CYLD: variants seen among roughly 807,000 people sequenced by gnomAD.
CYLD encodes CYLD lysine 63 deubiquitinase.
CYLD carries 26 observed loss-of-function variants against 104.5 expected under a neutral mutation model. The observed-to-expected ratio is 0.25, with a 90% confidence interval of 0.18 to 0.35. CYLD has a LOEUF of 0.35. Among genes scored for constraint, CYLD ranks in the 10% least tolerant of loss-of-function variants. The pLI is 1.00. For missense variants in CYLD, 703 were observed against 1,136.1 expected (o/e 0.62, Z 5.48); for synonymous variants, 385 against 399.9 (o/e 0.96, Z 0.45).
rs200973965 is a variant in CYLD at position 50,793,113 on chromosome 16, TATAC to T, written c.2350+410_2350+413del. Among the ~76,000 whole-genome samples, 92 of 134,272 alleles carry T rather than the reference TATAC, an allele frequency of 6.9e-4. 3 individuals are homozygous for T. In the East Asian group the frequency reaches 0.014, roughly 21 times the overall value. The allele number at this position is 134,272 out of a possible 152,430, so 88.1% of individuals were successfully genotyped here. A position where few individuals can be genotyped will look rare whatever the true frequency, so the allele number is the denominator to read the frequency against. Reference sequence around the variant, plus strand: ...TTGATATATTCTACAAAAGGAGCCATATACACACACACACACACACACACACACA... The same window carrying T: ...TTGATATATTCTACAAAAGGAGCCATACACACACACACACACACACACACA... On this transcript the variant is annotated intron_variant, in intron 16 of 18. Transcript: ENST00000427738.
At chr16:50,774,813 C>T (rs1041057622) in intron 5 of CYLD, among the ~76,000 whole-genome samples, 2 of 152,102 alleles carry the variant, frequency 1.3e-5, no homozygotes, top group African/African-American at 4.8e-5. Flanking sequence ...GTAACTGATA[C>T]CGTGGAAGGT....
In CYLD at chr16:50,749,940, T is replaced by G. The variant is rs1322096867; in HGVS notation, c.242T>G (p.Val81Gly). The change falls in exon 3 of 19, where the codon GTT (valine) becomes GGT (glycine). Residue 81 changes from valine to glycine, a missense_variant. By Grantham distance (109) the Val-to-Gly change is moderately radical. Transcript: ENST00000427738. The part of the protein sequence containing the change: ...GLKILEQPHA[V>G]LFVDEKDVVE... ...AAAATTCTAGAGCAACCTCATGCAGTTCTCTTTGTTGATGAAAAGGATGTT... is the reference window on the plus strand; with the variant it reads ...AAAATTCTAGAGCAACCTCATGCAGGTCTCTTTGTTGATGAAAAGGATGTT... 6.2e-7 allele frequency: 1 copy of G among 1,614,150 alleles called. No individual in the cohort carries two copies. Among genetic ancestry groups the G allele is most frequent in the Non-Finnish European group, 8.5e-7 (1 of 1,180,018 alleles).
Position 50,775,151 on chromosome 16 carries a change from T to C in CYLD, c.914-15T>C, listed in dbSNP as rs201410593. On this transcript the variant is annotated splice_polypyrimidine_tract_variant and intron_variant, in intron 5 of 18. Transcript: ENST00000427738. ...CAAATCCACTGTGGGTGATATCGTT[T>C]TTGCTGACACACAGCTTTATCAGGT... is the stretch of plus-strand genomic sequence containing the variant. The C allele has an allele frequency of 6.9e-6, 11 of 1,596,392 alleles. No individual in the cohort carries two copies. The highest frequency in any genetic ancestry group is 3.3e-4 in the Middle Eastern group (2 of 6,048).
chr16:50,777,123 T>C (rs1969769510), intron 7 of CYLD, among the ~76,000 whole-genome samples: 1 of 152,182 alleles, frequency 6.6e-6, no homozygotes, highest in African/African-American at 2.4e-5. Flanking sequence ...AGTTATAAAA[T>C]GTACAGCTAC....
chr16:50,751,947 TTA>T (rs1596972850), intron 4 of CYLD, 41 bp downstream of exon 4: 4 of 906,106 alleles, frequency 4.4e-6, no homozygotes, highest in Non-Finnish European at 6.4e-6. Context: ...GATATATATA[TTA>T]GTTTATATAT....
Position 50,779,815 on chromosome 16 carries a change from A to G in CYLD, c.1289A>G (p.Asn430Ser), listed in dbSNP as rs776072876. ...PFSLTKMPNTNGSIGHSPLSL... is the reference protein window; with the variant it reads ...PFSLTKMPNTSGSIGHSPLSL... The stretch of plus-strand genomic sequence containing the variant: ...AGTCTCACCAAGATGCCCAATACCA[A>G]TGGAAGTATTGGCCACAGTCCACTT... Residue 430 changes from asparagine (N) to serine (S), a missense_variant, in exon 9 of 19, where the codon AAT becomes AGT. Physicochemically the swap from Asn to Ser is conservative, Grantham distance 46. Around this residue, in one of 5 missense-constraint regions of CYLD, gnomAD observed 183 missense variants for 212.1 expected, o/e 0.86. Transcript: ENST00000427738. 4.4e-5 allele frequency: 71 copies of G among 1,613,432 alleles called. No individual in the cohort carries two copies. Among genetic ancestry groups the G allele is most frequent in the Non-Finnish European group, 5.3e-5 (62 of 1,179,926 alleles).
At chr16:50,788,180 T>C (rs1485974803) in intron 14 of CYLD, among the ~76,000 whole-genome samples, 1 of 152,230 alleles carries the variant, frequency 6.6e-6, no homozygotes, top group African/African-American at 2.4e-5. Flanking sequence ...AATATCTCAT[T>C]CTAACTTAAT....
chr16:50,774,439 T>C (rs368491273), intron 5 of CYLD, among the ~76,000 whole-genome samples: 1 of 152,186 alleles, frequency 6.6e-6, no homozygotes, highest in African/African-American at 2.4e-5. Context: ...AAGTTTAATT[T>C]ATATATTAGG....
At chr16:50,792,158 G>A (rs1971495369) in intron 15 of CYLD, among the ~76,000 whole-genome samples, 1 of 152,038 alleles carries the variant, frequency 6.6e-6, no homozygotes, top group Non-Finnish European at 1.5e-5. Flanking sequence ...GTATATGCTT[G>A]TGGTTTATTT....
intron 10 of CYLD, 151 bp downstream of exon 10, chr16:50,781,562 A>G: frequency 9.7e-7 from 1 of 1,027,540 alleles, no homozygotes; most frequent in Non-Finnish European, 1.4e-6. Flanking sequence ...TGCATGGTGT[A>G]TAAGAAAGTT....
intron 5 of CYLD, among the ~76,000 whole-genome samples, chr16:50,764,534 T>G (rs1464785052): frequency 1.3e-5 from 2 of 152,236 alleles, no homozygotes; most frequent in African/African-American, 4.8e-5. Context: ...CTTTCTTATA[T>G]TCTTCACCAA....
chr16:50,762,290 G>A (rs1189576761), intron 5 of CYLD, among the ~76,000 whole-genome samples: 1 of 151,894 alleles, frequency 6.6e-6, no homozygotes, highest in Non-Finnish European at 1.5e-5. Flanking sequence ...GTTCTATACT[G>A]TTTTCAAAAT....
chr16:50,772,939 G>T (rs951655586), intron 5 of CYLD, among the ~76,000 whole-genome samples: 9 of 152,158 alleles, frequency 5.9e-5, no homozygotes, highest in Admixed American at 1.3e-4. Flanking sequence ...ATTTCTTGAA[G>T]AATTTTTCAT....
intron 7 of CYLD, among the ~76,000 whole-genome samples, chr16:50,777,133 C>A (rs953800874): frequency 3.9e-5 from 6 of 152,074 alleles, no homozygotes; most frequent in African/African-American, 1.4e-4. Flanking sequence ...TGTACAGCTA[C>A]CTGCTTTAAT....
At chr16:50,746,112 G>C (rs1966172530) in intron 2 of CYLD, among the ~76,000 whole-genome samples, 1 of 152,114 alleles carries the variant, frequency 6.6e-6, no homozygotes, top group Non-Finnish European at 1.5e-5. Context: ...ATCATGGCTT[G>C]CTGCAGTCCC....
chr16:50,771,914 G>A (rs927634656), intron 5 of CYLD, among the ~76,000 whole-genome samples: 2 of 152,092 alleles, frequency 1.3e-5, no homozygotes, highest in African/African-American at 2.4e-5. Flanking sequence ...CCATTGATCT[G>A]TGTGTCTGTC....
At chr16:50,760,749 C>T (rs936679958) in intron 5 of CYLD, among the ~76,000 whole-genome samples, 13 of 152,046 alleles carry the variant, frequency 8.6e-5, no homozygotes, top group Admixed American at 1.3e-4. Context: ...ACAATGTTAC[C>T]GTAACCTGTA....
chr16:50,765,634 C>G (rs1024264444), intron 5 of CYLD, among the ~76,000 whole-genome samples: 3 of 152,112 alleles, frequency 2.0e-5, no homozygotes, highest in South Asian at 2.1e-4. Flanking sequence ...GAAAACTAGG[C>G]CTCTTGTGCC....
At chr16:50,786,246 G>A (rs956678368) in intron 12 of CYLD, 1 of 152,128 alleles carries the variant, frequency 6.6e-6, no homozygotes, top group Non-Finnish European at 1.5e-5. Flanking sequence ...TAAAGTAAAT[G>A]CTTTAATTTC....
Sources: allele counts gnomAD v4.1 joint callset (sites outside exome capture counted in the v4.1 genomes callset), GRCh38; gene constraint gnomAD v4.1.1; regional missense constraint gnomAD v4.1.1; transcripts MANE v1.5; gene names NCBI Gene and HGNC (gene_info 2026-07-23, HGNC 2026-07-21).